The following GRID1 variants were observed in gnomAD, a reference collection of about 807,000 sequenced individuals.
GRID1 encodes the protein glutamate receptor ionotropic, delta-1.
In GRID1, 28 loss-of-function variants were observed where a neutral mutation model predicts 98.0. The observed-to-expected ratio is 0.29, with a 90% CI of 0.21 to 0.39. GRID1 has a LOEUF of 0.39. GRID1 is among the 10% of genes least tolerant of loss of function. GRID1 has a pLI of 1.00. For synonymous variants in GRID1, 553 were observed against 538.5 expected, an observed-to-expected ratio of 1.03 and a Z score of -0.37; for missense variants, 1,111 against 1,340.5, an observed-to-expected ratio of 0.83 and a Z score of 2.67.
intron 4 of GRID1, among the ~76,000 whole-genome samples, chr10:86,093,748 A>G (rs1844181024): frequency 6.6e-6 from 1 of 152,220 alleles, no homozygotes; most frequent in Admixed American, 6.5e-5. Context: ...ACGGATTCAC[A>G]GCAGAATTCT....
chr10:86,112,585 T>C (rs1285079802), intron 4 of GRID1, among the ~76,000 whole-genome samples: 2 of 137,018 alleles, frequency 1.5e-5, no homozygotes, highest in African/African-American at 5.7e-5. Context: ...TACAGATTAA[T>C]GACAACTGCG....
intron 8 of GRID1, among the ~76,000 whole-genome samples, chr10:85,787,563 T>A (rs565162375): frequency 6.6e-6 from 1 of 152,276 alleles, no homozygotes; most frequent in South Asian, 2.1e-4. Context: ...GGGGCTGATG[T>A]CGTGGGTGTC....
At chr10:86,261,033 G>A (rs770985163) in intron 2 of GRID1, among the ~76,000 whole-genome samples, 15 of 152,218 alleles carry the variant, frequency 9.9e-5, no homozygotes, top group South Asian at 4.1e-4. Context: ...TGCAAAGCCC[G>A]GAGAAGCCTC....
intron 8 of GRID1, among the ~76,000 whole-genome samples, chr10:85,767,456 G>A (rs1752343414): frequency 6.6e-6 from 1 of 152,046 alleles, no homozygotes; most frequent in African/African-American, 2.4e-5. Flanking sequence ...AATTTAAATA[G>A]CATATCTAAT....
intron 6 of GRID1, among the ~76,000 whole-genome samples, chr10:85,865,197 T>C (rs951892101): frequency 3.3e-5 from 5 of 152,206 alleles, no homozygotes; most frequent in African/African-American, 1.2e-4. Context: ...AGACAGTGCT[T>C]TGTGGGGAAA....
In GRID1 at chr10:85,862,668, G is replaced by A. The variant is rs113478766; in HGVS notation, c.951+6342C>T. Among the ~76,000 whole-genome samples the A allele has an allele frequency of 8.4e-3, 1,281 of 152,246 alleles. 24 individuals carry two copies. Among genetic ancestry groups the A allele is most frequent in the African/African-American group, 0.029 (1,204 of 41,556 alleles). On this transcript the variant is annotated intron_variant, in intron 6 of 15. Transcript: ENST00000327946. Reference sequence around the variant, plus strand: ...TTGAGAGACCCAGATGGACACTCTCGGCTGCTGGATAATTAGAGATGAGTC... The same window carrying A: ...TTGAGAGACCCAGATGGACACTCTCAGCTGCTGGATAATTAGAGATGAGTC...
intron 15 of GRID1, 63 bp from the exon 16 acceptor site, chr10:85,602,764 C>CAGACATCCAGAGCTGTAGCA: frequency 7.9e-7 from 1 of 1,272,750 alleles, no homozygotes; most frequent in Non-Finnish European, 1.1e-6. Context: ...TGGCTTGCTA[C>CAGACATCCAGAGCTGTAGCA]AGCTCTGGAT....
chr10:86,067,548 C>T (rs1843738435), intron 4 of GRID1, among the ~76,000 whole-genome samples: 1 of 152,176 alleles, frequency 6.6e-6, no homozygotes, highest in Non-Finnish European at 1.5e-5. Context: ...TTTTAAAACT[C>T]TTGGGATAAA....
At chr10:85,752,687 T>C (rs1309284305) in intron 8 of GRID1, among the ~76,000 whole-genome samples, 2 of 152,210 alleles carry the variant, frequency 1.3e-5, no homozygotes, top group Non-Finnish European at 2.9e-5. Context: ...TACCAGAATA[T>C]ACTGTTATTT....
chr10:86,238,128 G>T (rs1269403109), intron 2 of GRID1, among the ~76,000 whole-genome samples: 2 of 152,224 alleles, frequency 1.3e-5, no homozygotes, highest in African/African-American at 4.8e-5. Flanking sequence ...TTCTGGGGAA[G>T]AATTCAAGCA....
chr10:86,284,966 G>A (rs1389328698), intron 2 of GRID1, among the ~76,000 whole-genome samples: 1 of 134,022 alleles, frequency 7.5e-6, no homozygotes, highest in Non-Finnish European at 1.6e-5. Flanking sequence ...TAAACCATGG[G>A]GACAACAGTA....
At chr10:85,885,545 A>G (rs540707079) in intron 5 of GRID1, among the ~76,000 whole-genome samples, 1 of 152,358 alleles carries the variant, frequency 6.6e-6, no homozygotes, top group Non-Finnish European at 1.5e-5. Context: ...AATTATGAGA[A>G]CAATAAAAAT....
At chr10:86,193,194 G>A (rs1302784536) in intron 3 of GRID1, among the ~76,000 whole-genome samples, 1 of 152,018 alleles carries the variant, frequency 6.6e-6, no homozygotes, top group Non-Finnish European at 1.5e-5. Flanking sequence ...AGGAGAGTGA[G>A]GGCTTGAGAT....
At chr10:86,259,193 G>C (rs1024094867) in intron 2 of GRID1, among the ~76,000 whole-genome samples, 2 of 152,198 alleles carry the variant, frequency 1.3e-5, no homozygotes, top group African/African-American at 4.8e-5. Flanking sequence ...TTCCTTTGAC[G>C]ACCCAGCCCC....
intron 2 of GRID1, among the ~76,000 whole-genome samples, chr10:86,216,883 T>A (rs1015349191): frequency 1.3e-5 from 2 of 152,064 alleles, no homozygotes; most frequent in African/African-American, 4.8e-5. Flanking sequence ...TGTGGCCACA[T>A]CCAGGGAAGG....
At chr10:86,257,219 G>C (rs969051199) in intron 2 of GRID1, among the ~76,000 whole-genome samples, 2 of 152,220 alleles carry the variant, frequency 1.3e-5, no homozygotes, top group African/African-American at 4.8e-5. Flanking sequence ...CTGGGTGCTA[G>C]TGCAATTAGG....
At chr10:85,749,841 G>A (rs1171332052) in intron 8 of GRID1, among the ~76,000 whole-genome samples, 2 of 152,066 alleles carry the variant, frequency 1.3e-5, no homozygotes, top group Admixed American at 6.5e-5. Context: ...TTCCCTAAAG[G>A]GATTCCTTAT....
intron 5 of GRID1, among the ~76,000 whole-genome samples, chr10:85,876,401 C>T (rs931110579): frequency 1.3e-5 from 2 of 152,062 alleles, no homozygotes; most frequent in Admixed American, 6.5e-5. Flanking sequence ...TACAGTCAAA[C>T]CTCCCTTTGT....
intron 2 of GRID1, among the ~76,000 whole-genome samples, chr10:86,323,942 G>A (rs889511589): frequency 2.0e-5 from 3 of 152,208 alleles, no homozygotes; most frequent in African/African-American, 7.2e-5. Flanking sequence ...ACTTCGGGAG[G>A]CCAAGGTGGG....
Sources: gnomAD v4.1 joint callset for allele counts (sites outside exome capture counted in the v4.1 genomes callset) on GRCh38, gnomAD v4.1.1 for gene constraint, MANE v1.5 for transcripts, NCBI Gene and HGNC (gene_info 2026-07-23, HGNC 2026-07-21) for gene names.